The following NLGN1 variants were observed in gnomAD, a reference collection of about 807,000 sequenced individuals.
NLGN1 encodes the protein neuroligin 1, also known as neuroligin-1.
NLGN1 carries 12 observed loss-of-function variants against 65.5 expected under a neutral mutation model. The ratio of observed to expected loss-of-function variants is 0.18; its 90% CI spans 0.12 to 0.30. The LOEUF is 0.30. NLGN1 is among the 10% of genes least tolerant of loss of function. The pLI, the probability that NLGN1 is intolerant of heterozygous loss-of-function variation, is 1.00. For missense variants in NLGN1, 750 were observed against 1,007.1 expected, an observed-to-expected ratio of 0.74 and a Z score of 3.46; for synonymous variants, 350 against 359.5, an observed-to-expected ratio of 0.97 and a Z score of 0.30.
intron 4 of NLGN1, among the ~76,000 whole-genome samples, chr3:173,958,992 T>C (rs1013917027): frequency 6.6e-6 from 1 of 152,062 alleles, no homozygotes; most frequent in Non-Finnish European, 1.5e-5. Flanking sequence ...AAAGCAAGTG[T>C]CAGGAGCAGG....
intron 4 of NLGN1, among the ~76,000 whole-genome samples, chr3:174,236,381 G>C (rs1387282409): frequency 1.3e-5 from 2 of 151,772 alleles, no homozygotes; most frequent in African/African-American, 4.8e-5. Flanking sequence ...TTTTCCAGAT[G>C]TTTCCCTTTT....
rs761793587 is a variant in NLGN1 at position 173,779,919 on chromosome 3, ACT to A, written c.494-27758_494-27757del. On this transcript the variant is annotated intron_variant, in intron 3 of 6. Transcript: ENST00000457714. Reference sequence around the variant, plus strand: ...GATTATGTAAAATGTTCATAAATTGACTCTTCATTTTACAACTTCCTTTATCC... The same window carrying A: ...GATTATGTAAAATGTTCATAAATTGACTTCATTTTACAACTTCCTTTATCC... 2.6e-5 allele frequency among the ~76,000 whole-genome samples: 4 copies of A among 152,074 alleles called. No individual in the cohort carries two copies. The East Asian group carries it at 7.7e-4, about 29-fold the overall frequency.
At chr3:173,807,799 G>A (rs142026432) in exon 4 of NLGN1, 51 of 1,613,362 alleles carry the variant, frequency 3.2e-5, no homozygotes, top group Admixed American at 1.7e-4. Context: ...CAATGTGATC[G>A]TCATCACAGT....
At chr3:173,601,394 T>A (rs1290522235) in intron 2 of NLGN1, among the ~76,000 whole-genome samples, 1 of 152,096 alleles carries the variant, frequency 6.6e-6, no homozygotes, top group Non-Finnish European at 1.5e-5. Flanking sequence ...AGAATGAGCC[T>A]TATTCTCTTT....
At chr3:173,807,446 T>C (rs1407547096) in intron 3 of NLGN1, among the ~76,000 whole-genome samples, 2 of 152,162 alleles carry the variant, frequency 1.3e-5, no homozygotes, top group Admixed American at 6.5e-5. Context: ...GTCTAAGTTT[T>C]ATAAGTCAGT....
intron 2 of NLGN1, among the ~76,000 whole-genome samples, chr3:173,521,993 A>G (rs933555871): frequency 6.6e-6 from 1 of 152,214 alleles, no homozygotes; most frequent in African/African-American, 2.4e-5. Context: ...AGTAGTGGGT[A>G]ATTACTAGTT....
chr3:173,424,903 T>C (rs1715818438), intron 1 of NLGN1, among the ~76,000 whole-genome samples: 1 of 152,192 alleles, frequency 6.6e-6, no homozygotes, highest in Non-Finnish European at 1.5e-5. Flanking sequence ...GTGGCAGTAC[T>C]CCACTTTGCC....
intron 3 of NLGN1, among the ~76,000 whole-genome samples, chr3:173,715,107 G>A (rs144796065): frequency 6.6e-6 from 1 of 152,232 alleles, no homozygotes; most frequent in East Asian, 1.9e-4. Flanking sequence ...AGAGAGAGAA[G>A]TGGATGGACT....
At chr3:173,632,641 C>A (rs1052815030) in intron 3 of NLGN1, among the ~76,000 whole-genome samples, 2 of 152,102 alleles carry the variant, frequency 1.3e-5, no homozygotes, top group African/African-American at 2.4e-5. Flanking sequence ...TGAATACCAG[C>A]TGGGTGCTCA....
intron 4 of NLGN1, among the ~76,000 whole-genome samples, chr3:173,951,755 C>T (rs1407689071): frequency 2.0e-5 from 3 of 152,152 alleles, no homozygotes; most frequent in Non-Finnish European, 2.9e-5. Context: ...GCCACTGCGC[C>T]AGGCCGAGAC....
intron 4 of NLGN1, among the ~76,000 whole-genome samples, chr3:174,026,573 T>G (rs1728875263): frequency 6.6e-6 from 1 of 152,140 alleles, no homozygotes; most frequent in Admixed American, 6.5e-5. Context: ...CACACAACAT[T>G]ACTATATATT....
chr3:174,253,675 C>T (rs1745164956), intron 4 of NLGN1, among the ~76,000 whole-genome samples: 1 of 152,124 alleles, frequency 6.6e-6, no homozygotes, highest in African/African-American at 2.4e-5. Context: ...TTTTCAATTA[C>T]AAATCTGAGC....
At chr3:174,129,932 G>A (rs1313786927) in intron 4 of NLGN1, among the ~76,000 whole-genome samples, 2 of 152,194 alleles carry the variant, frequency 1.3e-5, no homozygotes, top group East Asian at 1.9e-4. Context: ...ATAAGACGAC[G>A]TTGTTCATTG....
chr3:173,789,451 C>T (rs1236586420), intron 3 of NLGN1, among the ~76,000 whole-genome samples: 1 of 152,164 alleles, frequency 6.6e-6, no homozygotes, highest in African/African-American at 2.4e-5. Flanking sequence ...TTCACAAACA[C>T]CATCATATTT....
At chr3:173,726,294 A>G (rs950850599) in intron 3 of NLGN1, among the ~76,000 whole-genome samples, 3 of 151,926 alleles carry the variant, frequency 2.0e-5, no homozygotes, top group Non-Finnish European at 4.4e-5. Context: ...ATAAGAAATC[A>G]TAGAACAGGG....
intron 4 of NLGN1, among the ~76,000 whole-genome samples, chr3:173,836,404 T>G (rs1421981469): frequency 6.6e-6 from 1 of 152,122 alleles, no homozygotes; most frequent in African/African-American, 2.4e-5. Flanking sequence ...ACTATAGTAG[T>G]AATAATCATA....
intron 3 of NLGN1, among the ~76,000 whole-genome samples, chr3:173,792,228 T>C (rs762921760): frequency 6.6e-6 from 1 of 152,164 alleles, no homozygotes; most frequent in Admixed American, 6.6e-5. Context: ...GTCAGAGAGC[T>C]CATCCTTCAC....
intron 4 of NLGN1, among the ~76,000 whole-genome samples, chr3:174,023,301 A>G (rs1257186711): frequency 2.0e-5 from 3 of 152,272 alleles, no homozygotes; most frequent in East Asian, 3.9e-4. Context: ...CAGCCAAGTT[A>G]TATGATTCTA....
chr3:173,792,493 C>T (rs1403457799), intron 3 of NLGN1, among the ~76,000 whole-genome samples: 1 of 152,122 alleles, frequency 6.6e-6, no homozygotes, highest in East Asian at 1.9e-4. Context: ...AGAGGAGACT[C>T]TCCATGTTTG....
Sources: gnomAD v4.1 joint callset for allele counts (sites outside exome capture counted in the v4.1 genomes callset) on GRCh38, gnomAD v4.1.1 for gene constraint, MANE v1.5 for transcripts, NCBI Gene and HGNC (gene_info 2026-07-23, HGNC 2026-07-21) for gene names.